Variants in ARHGAP24 observed in about 807,000 individuals in gnomAD.
ARHGAP24 encodes the protein Rho GTPase activating protein 24.
A neutral mutation model predicts 76.4 loss-of-function variants in ARHGAP24; 50 were observed. The observed-to-expected ratio is 0.65, with a 90% CI of 0.52 to 0.83. ARHGAP24 has a LOEUF of 0.83. ARHGAP24 is among the 40% of genes least tolerant of loss of function. The pLI is 0.00. For missense variants in ARHGAP24, 930 were observed against 914.2 expected, an observed-to-expected ratio of 1.02 and a Z score of -0.22; for synonymous variants, 345 against 323.3, an observed-to-expected ratio of 1.07 and a Z score of -0.72.
At chr4:85,537,326 C>T (rs1725505609) in intron 1 of ARHGAP24, among the ~76,000 whole-genome samples, 1 of 152,120 alleles carries the variant, frequency 6.6e-6, no homozygotes, top group Non-Finnish European at 1.5e-5. Flanking sequence ...CAAGGTCTCT[C>T]CTCTTGTGCT....
At chr4:85,911,335 A>T (rs1735068121) in intron 3 of ARHGAP24, among the ~76,000 whole-genome samples, 1 of 152,138 alleles carries the variant, frequency 6.6e-6, no homozygotes, top group Non-Finnish European at 1.5e-5. Context: ...AACCTGCATG[A>T]TGGCAGTGGC....
intron 2 of ARHGAP24, among the ~76,000 whole-genome samples, chr4:85,626,266 G>A (rs1720950170): frequency 1.3e-5 from 2 of 152,074 alleles, no homozygotes; most frequent in East Asian, 1.9e-4. Context: ...GGCAGGCCTG[G>A]TGGTGACAAA....
chr4:85,638,748 A>G (rs1230798753), intron 2 of ARHGAP24, among the ~76,000 whole-genome samples: 2 of 152,154 alleles, frequency 1.3e-5, no homozygotes, highest in Non-Finnish European at 2.9e-5. Context: ...TAGATACGGG[A>G]TATCCTCTGC....
rs537798565 is a variant in ARHGAP24 at position 85,593,062 on chromosome 4, A to C, written c.180+22341A>C. Among the ~76,000 whole-genome samples the C allele has an allele frequency of 4.6e-5, 7 of 152,252 alleles. No homozygotes were observed. In the East Asian group the frequency reaches 1.4e-3, roughly 29 times the overall value. On this transcript the variant is annotated intron_variant, in intron 2 of 9. Coordinates refer to ENST00000395184, the MANE Select transcript of ARHGAP24 (RefSeq NM_001025616.3). ...CTCCATAGTGATTGTACTAATTTACATTCCCACCAATGGCATATGAGGGTT... is the reference window on the plus strand; with the variant it reads ...CTCCATAGTGATTGTACTAATTTACCTTCCCACCAATGGCATATGAGGGTT...
chr4:85,632,603 G>A (rs1721192955), intron 2 of ARHGAP24, among the ~76,000 whole-genome samples: 1 of 152,028 alleles, frequency 6.6e-6, no homozygotes, highest in Admixed American at 6.6e-5. Flanking sequence ...TTTATATCGT[G>A]TATACACAGT....
intron 3 of ARHGAP24, among the ~76,000 whole-genome samples, chr4:85,885,447 C>A (rs1403735415): frequency 2.0e-5 from 3 of 151,844 alleles, no homozygotes; most frequent in African/African-American, 4.8e-5. Context: ...TAGCTGTTAC[C>A]CAGTTTGGGG....
At chr4:85,794,223 G>A (rs1728250429) in intron 3 of ARHGAP24, among the ~76,000 whole-genome samples, 1 of 152,138 alleles carries the variant, frequency 6.6e-6, no homozygotes, top group Non-Finnish European at 1.5e-5. Context: ...AATGGGGGCT[G>A]TGTAAAGCCA....
chr4:85,541,142 CTTTTTTTTTTTTTTTTT>C (rs70948733), intron 1 of ARHGAP24, among the ~76,000 whole-genome samples: 1 of 49,740 alleles, frequency 2.0e-5, no homozygotes, highest in Non-Finnish European at 3.1e-5. Context: ...CATCCATGAC[CTTTTTTTTTTTTTTTTT>C]TTTTTTTTTT....
intron 2 of ARHGAP24, among the ~76,000 whole-genome samples, chr4:85,699,349 T>A (rs1723982931): frequency 6.6e-6 from 1 of 152,208 alleles, no homozygotes; most frequent in Non-Finnish European, 1.5e-5. Flanking sequence ...ATCCCAACAC[T>A]GTGGGAGGCT....
intron 3 of ARHGAP24, among the ~76,000 whole-genome samples, chr4:85,813,406 A>T (rs570174132): frequency 6.6e-6 from 1 of 152,314 alleles, no homozygotes; most frequent in East Asian, 1.9e-4. Flanking sequence ...AAAATAAAAT[A>T]ATAACCAAAT....
At position 85,637,557 on chromosome 4, in the gene ARHGAP24, T is replaced by G. The variant is rs1004077955; in HGVS notation, c.180+66836T>G. The stretch of plus-strand genomic sequence containing the variant: ...TAGCCGCATGGGGCTAACTGAGCAC[T>G]TGAAATGTGTCTACATAGTCCAAAT... On this transcript the variant is annotated intron_variant, in intron 2 of 9. Transcript: ENST00000395184. 5.5e-4 allele frequency among the ~76,000 whole-genome samples: 83 copies of G among 152,192 alleles called. 1 individual carries two copies. Among genetic ancestry groups the G allele is most frequent in the Admixed American group, 5.2e-3 (79 of 15,252 alleles).
intron 8 of ARHGAP24, among the ~76,000 whole-genome samples, chr4:85,980,167 C>A (rs184172349): frequency 6.6e-6 from 1 of 152,304 alleles, no homozygotes; most frequent in Admixed American, 6.5e-5. Context: ...CAGTGATACT[C>A]ATTGCTACTG....
chr4:85,547,907 T>C (rs562355085), intron 1 of ARHGAP24, among the ~76,000 whole-genome samples: 42 of 152,338 alleles, frequency 2.8e-4, no homozygotes, highest in African/African-American at 9.9e-4. Context: ...TAATTTGTAA[T>C]TCCATTATTC....
At chr4:85,871,009 A>G (rs768312495) in intron 3 of ARHGAP24, among the ~76,000 whole-genome samples, 2 of 152,116 alleles carry the variant, frequency 1.3e-5, no homozygotes, top group African/African-American at 4.8e-5. Context: ...TATCAAATAG[A>G]TATGAGATTA....
At chr4:85,535,158 C>T (rs927930789) in intron 1 of ARHGAP24, among the ~76,000 whole-genome samples, 2 of 151,994 alleles carry the variant, frequency 1.3e-5, no homozygotes, top group Admixed American at 6.6e-5. Context: ...CATTTTTGTA[C>T]CCCTATTCAT....
At chr4:85,845,127 A>C (rs1459038103) in intron 3 of ARHGAP24, among the ~76,000 whole-genome samples, 5 of 152,212 alleles carry the variant, frequency 3.3e-5, no homozygotes, top group Non-Finnish European at 7.3e-5. Context: ...TTTCTTTTGC[A>C]AGTCAAAAGT....
At position 85,945,980 on chromosome 4, in the gene ARHGAP24, G is replaced by A. The variant is rs560687544; in HGVS notation, c.599+3707G>A. On this transcript the variant is annotated intron_variant, in intron 5 of 9. Transcript: ENST00000395184. ...TTTAATTAATAACTTACAGTTCCACGTGACTGGGGAGGCCTCACAATCCTG... is the reference window on the plus strand; with the variant it reads ...TTTAATTAATAACTTACAGTTCCACATGACTGGGGAGGCCTCACAATCCTG... Among the ~76,000 whole-genome samples the A allele has an allele frequency of 3.3e-5, 5 of 152,174 alleles. No homozygotes were observed. The East Asian group carries it at 5.8e-4, about 18-fold the overall frequency.
chr4:85,523,158 A>T (rs1469359471), intron 1 of ARHGAP24, among the ~76,000 whole-genome samples: 2 of 152,226 alleles, frequency 1.3e-5, no homozygotes, highest in South Asian at 4.1e-4. Context: ...TTCTTTTGTC[A>T]GATAATAAAG....
intron 1 of ARHGAP24, among the ~76,000 whole-genome samples, chr4:85,562,360 A>AG (rs1371234810): frequency 6.6e-6 from 1 of 152,154 alleles, no homozygotes; most frequent in East Asian, 1.9e-4. Flanking sequence ...TCTACAGAGT[A>AG]GGCACTCCAT....
Sources: gnomAD v4.1 joint callset for allele counts (sites outside exome capture counted in the v4.1 genomes callset) on GRCh38, gnomAD v4.1.1 for gene constraint, MANE v1.5 for transcripts, NCBI Gene and HGNC (gene_info 2026-07-23, HGNC 2026-07-21) for gene names.